GLB1: variants seen among roughly 807,000 people sequenced by gnomAD.
The protein encoded by GLB1 is galactosidase beta 1.
In GLB1, 56 loss-of-function variants were observed where a neutral mutation model predicts 74.0. The observed-to-expected ratio is 0.76, with a 90% CI of 0.61 to 0.94. The LOEUF (loss-of-function observed/expected upper bound fraction) is 0.94. GLB1 is among the 40% of genes least tolerant of loss of function. The pLI, the probability that GLB1 is intolerant of heterozygous loss-of-function variation, is 0.00. For missense variants in GLB1, 787 were observed against 845.5 expected, an observed-to-expected ratio of 0.93 and a Z score of 0.86; for synonymous variants, 323 against 323.6, an observed-to-expected ratio of 1.00 and a Z score of 0.02.
Position 33,021,641 on chromosome 3 carries a change from T to A in GLB1, c.1158A>T (p.Gly386=). The A allele has an allele frequency of 6.2e-7, 1 of 1,613,938 alleles. No individual in the cohort carries two copies. The highest frequency in any genetic ancestry group is 8.5e-7 in the Non-Finnish European group (1 of 1,179,956). ...KVTLEKLKTV[G]AALDILCPSG... ...AGGGACACAGAATGTCCAGAGCTGCTCCCACTGTCTTTAACTGAAAAGAAA... is the reference window on the plus strand; with the variant it reads ...AGGGACACAGAATGTCCAGAGCTGCACCCACTGTCTTTAACTGAAAAGAAA... Residue 386 remains glycine, a synonymous_variant, in exon 12 of 16, where the codon GGA becomes GGT. Transcript: ENST00000307363.
At chr3:33,069,734 G>A (rs1456377081) in intron 2 of GLB1, among the ~76,000 whole-genome samples, 2 of 152,122 alleles carry the variant, frequency 1.3e-5, no homozygotes, top group Admixed American at 6.6e-5. Flanking sequence ...TTGACTGACC[G>A]TAAACCTCCC....
At chr3:33,060,061 C>T (rs1444864756) in intron 5 of GLB1, among the ~76,000 whole-genome samples, 3 of 152,120 alleles carry the variant, frequency 2.0e-5, no homozygotes, top group Admixed American at 6.5e-5. Context: ...TTGACATCAC[C>T]AACAGCTCAA....
chr3:33,086,686 A>G (rs576066077), intron 1 of GLB1, among the ~76,000 whole-genome samples: 90 of 152,360 alleles, frequency 5.9e-4, no homozygotes, highest in African/African-American at 2.1e-3. Context: ...ATGAGCTCAC[A>G]GAAAATATGA....
the GLB1 span, among the ~76,000 whole-genome samples, chr3:32,979,017 C>T: frequency 6.7e-6 from 1 of 149,768 alleles, no homozygotes; most frequent in Non-Finnish European, 1.5e-5. Flanking sequence ...GCTCTTGAAG[C>T]CCAGGCTGGA....
chr3:33,083,404 A>AAG (rs1386529604), intron 1 of GLB1, among the ~76,000 whole-genome samples: 1 of 151,512 alleles, frequency 6.6e-6, no homozygotes, highest in Non-Finnish European at 1.5e-5. Context: ...TCTCAAAAAA[A>AAG]AAAAAAAAAA....
intron 1 of GLB1, chr3:33,091,144 C>T (rs568546200): frequency 2.0e-6 from 2 of 985,194 alleles, no homozygotes; most frequent in South Asian, 9.4e-5. Context: ...AAAATGCGGT[C>T]GGGACACAAG....
At chr3:33,075,164 T>C (rs1700060311) in intron 1 of GLB1, among the ~76,000 whole-genome samples, 1 of 152,236 alleles carries the variant, frequency 6.6e-6, no homozygotes, top group Non-Finnish European at 1.5e-5. Context: ...AACATTCTCA[T>C]AGTATATACA....
At chr3:33,036,119 G>A (rs546237189) in intron 10 of GLB1, among the ~76,000 whole-genome samples, 3 of 152,344 alleles carry the variant, frequency 2.0e-5, no homozygotes, top group African/African-American at 7.2e-5. Flanking sequence ...CAATACTGAA[G>A]TTTAAAATTC....
At chr3:33,007,571 T>C (rs1696839721) in intron 15 of GLB1, among the ~76,000 whole-genome samples, 1 of 152,256 alleles carries the variant, frequency 6.6e-6, no homozygotes, top group Admixed American at 6.5e-5. Flanking sequence ...TGAATCATAT[T>C]CCATTGTATG....
intron 9 of GLB1, among the ~76,000 whole-genome samples, chr3:33,051,120 C>G (rs1336424820): frequency 1.3e-5 from 2 of 150,796 alleles, no homozygotes; most frequent in Non-Finnish European, 2.9e-5. Flanking sequence ...GTAGTCCCAG[C>G]TACTCTGGAG....
chr3:33,007,857 G>T (rs1405178344), intron 15 of GLB1, among the ~76,000 whole-genome samples: 1 of 152,160 alleles, frequency 6.6e-6, no homozygotes, highest in African/African-American at 2.4e-5. Context: ...TTCCTCACCG[G>T]TTCTCAATGC....
chr3:33,074,473 A>G (rs1235187162), intron 1 of GLB1, among the ~76,000 whole-genome samples: 1 of 152,146 alleles, frequency 6.6e-6, no homozygotes, highest in African/African-American at 2.4e-5. Context: ...GTGGAGTTGT[A>G]TATGTACGCA....
At chr3:33,067,949 G>A (rs938151022) in intron 4 of GLB1, among the ~76,000 whole-genome samples, 2 of 152,108 alleles carry the variant, frequency 1.3e-5, no homozygotes, top group African/African-American at 4.8e-5. Flanking sequence ...GCATTGATAC[G>A]ATCTCGGTTC....
At chr3:33,087,548 C>T (rs191483470) in intron 1 of GLB1, among the ~76,000 whole-genome samples, 35 of 150,430 alleles carry the variant, frequency 2.3e-4, no homozygotes, top group Non-Finnish European at 3.1e-4. Flanking sequence ...CCAGCCCCGG[C>T]GACAGAGCAA....
At chr3:33,096,528 CCA>C in intron 1 of GLB1, 15 of 985,288 alleles carry the variant, frequency 1.5e-5, no homozygotes, top group Non-Finnish European at 1.8e-5. Flanking sequence ...GGGAGAGCAC[CCA>C]GAGGGGAAAT....
intron 1 of GLB1, chr3:33,090,763 C>T (rs1043476357): frequency 3.3e-5 from 33 of 985,208 alleles, no homozygotes; most frequent in East Asian, 1.1e-4. Context: ...AAACCACATA[C>T]GAGAGGGTGT....
At chr3:33,088,159 T>C (rs1435014895) in intron 1 of GLB1, among the ~76,000 whole-genome samples, 3 of 152,186 alleles carry the variant, frequency 2.0e-5, no homozygotes, top group Non-Finnish European at 2.9e-5. Context: ...GCTAACATCA[T>C]ATTCAATAGT....
chr3:33,096,716 C>T, intron 1 of GLB1: 1 of 1,241,484 alleles, frequency 8.1e-7, no homozygotes, highest in Non-Finnish European at 1.0e-6. Context: ...TGTTTACACG[C>T]ACCTCGTCTC....
At chr3:33,042,142 T>C (rs1037446471) in intron 10 of GLB1, among the ~76,000 whole-genome samples, 1 of 152,110 alleles carries the variant, frequency 6.6e-6, no homozygotes, top group African/African-American at 2.4e-5. Context: ...CTGAGATGGC[T>C]GCAAAAACTT....
Sources: gnomAD v4.1 joint callset for allele counts (sites outside exome capture counted in the v4.1 genomes callset) on GRCh38, gnomAD v4.1.1 for gene constraint, MANE v1.5 for transcripts, NCBI Gene and HGNC (gene_info 2026-07-23, HGNC 2026-07-21) for gene names.